CAMTA1: variants seen among roughly 807,000 people sequenced by gnomAD.
CAMTA1 encodes calmodulin-binding transcription activator 1.
Under a neutral mutation model 170.9 loss-of-function variants are expected in CAMTA1, and 27 were observed. That is an observed-to-expected ratio of 0.16 (90% CI 0.12 to 0.22). The LOEUF is 0.22. CAMTA1 is among the 10% of genes least tolerant of loss of function. CAMTA1 has a pLI of 1.00. For synonymous variants in CAMTA1, 833 were observed against 891.5 expected, an observed-to-expected ratio of 0.93 and a Z score of 1.17; for missense variants, 1,619 against 2,217.2, an observed-to-expected ratio of 0.73 and a Z score of 5.42.
chr1:6,813,943 G>A (rs972997623), intron 1 of CAMTA1, among the ~76,000 whole-genome samples: 5 of 152,146 alleles, frequency 3.3e-5, no homozygotes, highest in Non-Finnish European at 5.9e-5. Context: ...GACGAGAGAC[G>A]GGACCATTTT....
At chr1:7,745,148 G>A (rs2071986) in intron 17 of CAMTA1, 126 bp downstream of exon 17, 3 of 879,970 alleles carry the variant, frequency 3.4e-6, no homozygotes, top group Non-Finnish European at 5.2e-6. Flanking sequence ...AAGGAAGCAT[G>A]AGGACAAGCT....
intron 3 of CAMTA1, among the ~76,000 whole-genome samples, chr1:7,015,637 C>T (rs1230722290): frequency 6.6e-6 from 1 of 152,222 alleles, no homozygotes; most frequent in Non-Finnish European, 1.5e-5. Context: ...AGCTCCACCA[C>T]ATCCTGCAGT....
intron 7 of CAMTA1, among the ~76,000 whole-genome samples, chr1:7,660,928 C>T (rs2095950911): frequency 6.6e-6 from 1 of 152,246 alleles, no homozygotes; most frequent in Admixed American, 6.5e-5. Flanking sequence ...GGGTCTGCTC[C>T]AGCTGAGAAA....
At chr1:7,425,201 G>A (rs1468728921) in intron 5 of CAMTA1, among the ~76,000 whole-genome samples, 1 of 152,220 alleles carries the variant, frequency 6.6e-6, no homozygotes, top group African/African-American at 2.4e-5. Context: ...ATCCAGGACT[G>A]TGGGGAAGAC....
chr1:7,126,753 C>G (rs1573277933), intron 4 of CAMTA1, among the ~76,000 whole-genome samples: 1 of 152,266 alleles, frequency 6.6e-6, no homozygotes, highest in Middle Eastern at 3.4e-3. Flanking sequence ...TTTTCTGTCG[C>G]TGCTCAGGAC....
At chr1:7,294,666 T>C (rs1391616438) in intron 5 of CAMTA1, among the ~76,000 whole-genome samples, 1 of 152,212 alleles carries the variant, frequency 6.6e-6, no homozygotes, top group Non-Finnish European at 1.5e-5. Context: ...TAGTGGGTTC[T>C]TGACATTAAC....
At chr1:7,135,162 G>A (rs896825998) in intron 4 of CAMTA1, among the ~76,000 whole-genome samples, 6 of 152,090 alleles carry the variant, frequency 3.9e-5, no homozygotes, top group African/African-American at 1.2e-4. Context: ...CGGGGCAGGC[G>A]GATCACCTGA....
intron 20 of CAMTA1, among the ~76,000 whole-genome samples, chr1:7,751,681 C>T (rs1471346285): frequency 6.6e-6 from 1 of 150,982 alleles, no homozygotes; most frequent in Non-Finnish European, 1.5e-5. Flanking sequence ...CAGAAAGTTA[C>T]CACTCAATTA....
chr1:6,944,764 G>A (rs191093768), intron 3 of CAMTA1, among the ~76,000 whole-genome samples: 9 of 152,248 alleles, frequency 5.9e-5, no homozygotes, highest in Middle Eastern at 3.4e-3. Flanking sequence ...GCCGTGGTTC[G>A]TTTTGCAGTT....
chr1:7,597,232 C>G (rs2095407195), intron 6 of CAMTA1, among the ~76,000 whole-genome samples: 1 of 152,188 alleles, frequency 6.6e-6, no homozygotes, highest in Non-Finnish European at 1.5e-5. Flanking sequence ...GGTGCTTGAC[C>G]TCTTTGAGTT....
intron 6 of CAMTA1, among the ~76,000 whole-genome samples, chr1:7,505,157 C>T (rs886467133): frequency 1.3e-5 from 2 of 152,230 alleles, no homozygotes; most frequent in African/African-American, 4.8e-5. Context: ...ACCTGGAGGC[C>T]AAGTGCACAC....
chr1:6,982,060 G>T (rs1694528416), intron 3 of CAMTA1, among the ~76,000 whole-genome samples: 1 of 152,200 alleles, frequency 6.6e-6, no homozygotes, highest in African/African-American at 2.4e-5. Flanking sequence ...AATTGCATTA[G>T]ATAATAAATG....
chr1:7,403,559 G>A (rs889018120), intron 5 of CAMTA1, among the ~76,000 whole-genome samples: 4 of 152,196 alleles, frequency 2.6e-5, no homozygotes, highest in Non-Finnish European at 5.9e-5. Context: ...AGGTGTTAGT[G>A]AAGGGGTGAA....
At chr1:7,273,925 G>A (rs1275768841) in intron 5 of CAMTA1, among the ~76,000 whole-genome samples, 1 of 152,096 alleles carries the variant, frequency 6.6e-6, no homozygotes, top group African/African-American at 2.4e-5. Context: ...AGAATACTAT[G>A]ATTGAAGATA....
rs369973593 is a variant in CAMTA1 at position 7,621,150 on chromosome 1, G to A, written c.511-19250G>A. ...CACCCTGATTAGGGGCTGGTGAACT[G>A]GAGGGAGCAGGCAGGGGTCCAGCCA... On this transcript the variant is annotated intron_variant, in intron 6 of 22. Transcript: ENST00000303635. 2.4e-4 allele frequency among the ~76,000 whole-genome samples: 37 copies of A among 152,346 alleles called. No individual in the cohort carries two copies. The South Asian group carries it at 7.5e-3, about 31-fold the overall frequency.
intron 3 of CAMTA1, among the ~76,000 whole-genome samples, chr1:7,075,785 TC>T (rs1639218609): frequency 6.6e-6 from 1 of 151,954 alleles, no homozygotes; most frequent in Non-Finnish European, 1.5e-5. Context: ...GCCTCAGCCT[TC>T]CGAGTAGTTG....
intron 5 of CAMTA1, among the ~76,000 whole-genome samples, chr1:7,419,264 T>C (rs1325153787): frequency 1.3e-5 from 2 of 152,218 alleles, no homozygotes; most frequent in Admixed American, 6.5e-5. Context: ...TAAATGATTC[T>C]TCTGCCTCAG....
At chr1:7,446,592 G>A (rs1227655509) in intron 5 of CAMTA1, among the ~76,000 whole-genome samples, 2 of 152,226 alleles carry the variant, frequency 1.3e-5, no homozygotes, top group Non-Finnish European at 2.9e-5. Context: ...TACGGCAAAC[G>A]GAGCTCATGT....
intron 6 of CAMTA1, among the ~76,000 whole-genome samples, chr1:7,491,074 T>C (rs2093696220): frequency 6.6e-6 from 1 of 152,154 alleles, no homozygotes; most frequent in South Asian, 2.1e-4. Flanking sequence ...CTCCTTCTGT[T>C]CCCTTCCAAA....
Sources: gnomAD v4.1 joint callset for allele counts (sites outside exome capture counted in the v4.1 genomes callset) on GRCh38, gnomAD v4.1.1 for gene constraint, MANE v1.5 for transcripts, NCBI Gene and HGNC (gene_info 2026-07-23, HGNC 2026-07-21) for gene names.